Variants in CMPK1 observed in about 807,000 individuals in gnomAD.
CMPK1 encodes the protein cytidine/uridine monophosphate kinase 1.
In CMPK1, 10 loss-of-function variants were observed where a neutral mutation model predicts 25.7. The observed-to-expected ratio is 0.39, with a 90% CI of 0.24 to 0.66. The LOEUF is 0.66. Ranked by LOEUF, CMPK1 falls within the 30% of genes least tolerant of loss-of-function variation. CMPK1 has a pLI of 0.48. For synonymous variants in CMPK1, 106 were observed against 101.5 expected, an observed-to-expected ratio of 1.04 and a Z score of -0.27; for missense variants, 199 against 280.5, an observed-to-expected ratio of 0.71 and a Z score of 2.08.
chr1:47,358,355 C>T (rs1316926005), intron 1 of CMPK1: 4 of 1,101,080 alleles, frequency 3.6e-6, no homozygotes, highest in African/African-American at 1.6e-5. Context: ...TCGAGCAACC[C>T]TCTCGTCTTG....
At chr1:47,357,691 G>A (rs560899411) in intron 1 of CMPK1, among the ~76,000 whole-genome samples, 1 of 151,988 alleles carries the variant, frequency 6.6e-6, no homozygotes, top group Admixed American at 6.6e-5. Context: ...CGCCATGTTG[G>A]TCAGGCTGAT....
At chr1:47,346,716 C>G (rs1029319997) in intron 1 of CMPK1, among the ~76,000 whole-genome samples, 2 of 152,106 alleles carry the variant, frequency 1.3e-5, no homozygotes, top group Admixed American at 6.6e-5. Context: ...GTTGGCCAGG[C>G]TGGTCTCGAA....
At chr1:47,376,488 G>A (rs529499795) in intron 5 of CMPK1, among the ~76,000 whole-genome samples, 1 of 151,982 alleles carries the variant, frequency 6.6e-6, no homozygotes, top group Non-Finnish European at 1.5e-5. Context: ...GCTGATTTTT[G>A]TATTTTTAGT....
intron 1 of CMPK1, among the ~76,000 whole-genome samples, chr1:47,338,923 C>T (rs1293404502): frequency 6.6e-6 from 1 of 152,062 alleles, no homozygotes; most frequent in East Asian, 1.9e-4. Context: ...CACCATTTTA[C>T]ATGCATTAGT....
chr1:47,343,779 C>T (rs530544550), intron 1 of CMPK1, among the ~76,000 whole-genome samples: 1 of 151,760 alleles, frequency 6.6e-6, no homozygotes, highest in Non-Finnish European at 1.5e-5. Context: ...TCCAGCTACT[C>T]AGGAGGCTGA....
chr1:47,345,496 C>CT (rs758503471), intron 1 of CMPK1, among the ~76,000 whole-genome samples: 2,074 of 142,716 alleles, frequency 0.015, 47 homozygotes, highest in African/African-American at 0.045. Flanking sequence ...AATTTAATTT[C>CT]TTTTTTTTTT....
At chr1:47,341,603 A>G (rs1265727047) in intron 1 of CMPK1, among the ~76,000 whole-genome samples, 3 of 152,018 alleles carry the variant, frequency 2.0e-5, no homozygotes, top group Non-Finnish European at 4.4e-5. Context: ...GAATGGACTA[A>G]TAGAGTCTAC....
chr1:47,362,943 A>G (rs886668090), intron 1 of CMPK1, among the ~76,000 whole-genome samples: 3 of 152,106 alleles, frequency 2.0e-5, no homozygotes, highest in Admixed American at 1.3e-4. Context: ...TCCAACCTCT[A>G]TGGGTGGGAC....
intron 1 of CMPK1, among the ~76,000 whole-genome samples, chr1:47,350,122 A>G (rs918040638): frequency 1.2e-4 from 19 of 152,066 alleles, no homozygotes; most frequent in African/African-American, 4.6e-4. Flanking sequence ...TTATTTATAT[A>G]GAAACAGGGT....
intron 1 of CMPK1, chr1:47,358,211 C>G: frequency 4.6e-6 from 2 of 437,112 alleles, no homozygotes; most frequent in East Asian, 1.5e-4. Context: ...TCCTGGGGCT[C>G]AAGCTACCCA....
chr1:47,334,651 A>C (rs1646383104), intron 1 of CMPK1, among the ~76,000 whole-genome samples: 1 of 152,124 alleles, frequency 6.6e-6, no homozygotes, highest in Non-Finnish European at 1.5e-5. Flanking sequence ...GTGTTATTTT[A>C]GGCGTGCTGT....
At chr1:47,364,478 G>A (rs1264410580) in intron 1 of CMPK1, among the ~76,000 whole-genome samples, 2 of 151,622 alleles carry the variant, frequency 1.3e-5, no homozygotes, top group Non-Finnish European at 2.9e-5. Context: ...CACCACGCCT[G>A]GCTAATTTTT....
rs201797729 is a variant in CMPK1, at chr1:47,339,709, T to TC, written c.171+5593_171+5594insC. On this transcript the variant is annotated intron_variant, in intron 1 of 5. Coordinates refer to ENST00000371873, the MANE Select transcript of CMPK1 (RefSeq NM_016308.3). ...TTTTCTTTCTTCCTTTCCTTTTTTTTTTTTTTTTTTTTTTTTAAGACAGAG... is the reference window on the plus strand; with the variant it reads ...TTTTCTTTCTTCCTTTCCTTTTTTTTCTTTTTTTTTTTTTTTTAAGACAGAG... Among the ~76,000 whole-genome samples the TC allele has an allele frequency of 6.4e-3, 498 of 77,360 alleles. 15 individuals are homozygous for TC. In the East Asian group the frequency reaches 0.076, roughly 12 times the overall value. The allele number at this position is 77,360 out of a possible 152,430, so 50.8% of individuals were successfully genotyped here.
intron 1 of CMPK1, among the ~76,000 whole-genome samples, chr1:47,337,062 A>G (rs1646404235): frequency 1.3e-5 from 2 of 152,172 alleles, no homozygotes; most frequent in South Asian, 4.1e-4. Context: ...AGGCGGGTGG[A>G]TCACGAGGTC....
At chr1:47,376,634 T>G (rs1646710366) in intron 5 of CMPK1, 70 bp from the exon 6 acceptor site, 4 of 983,300 alleles carry the variant, frequency 4.1e-6, no homozygotes, top group African/African-American at 1.6e-5. Context: ...TTATTTTTAA[T>G]AAGAACTTAG....
intron 2 of CMPK1, among the ~76,000 whole-genome samples, chr1:47,370,396 T>A (rs1570380225): frequency 6.6e-6 from 1 of 150,592 alleles, no homozygotes; most frequent in African/African-American, 2.4e-5. Context: ...CCCAGCACTT[T>A]GGGAGGCCGA....
chr1:47,358,409 A>G (rs1034235611), intron 1 of CMPK1: 13 of 1,230,006 alleles, frequency 1.1e-5, no homozygotes, highest in Admixed American at 3.2e-5. Context: ...CACAGTGCGT[A>G]GTCCCTGTTT....
chr1:47,373,051 A>G lies in CMPK1; in HGVS notation c.415A>G (p.Thr139Ala), dbSNP rs1402090982. ...NQDNLQGWNKTMDGKADVSFV... is the reference protein window; with the variant it reads ...NQDNLQGWNKAMDGKADVSFV... ...AGACAACCTTCAAGGATGGAACAAG[A>G]CCATGGATGGGAAGGCAGATGTATC... Residue 139 changes from threonine (T) to alanine (A), a missense_variant, in exon 3 of 6, where the codon ACC becomes GCC. Thr to Ala is a moderately conservative substitution (Grantham distance 58). Coordinates refer to ENST00000371873, the MANE Select transcript of CMPK1 (RefSeq NM_016308.3). The G allele has an allele frequency of 6.2e-7, 1 of 1,612,264 alleles. No individual in the cohort carries two copies. The highest frequency in any genetic ancestry group is 1.1e-5 in the South Asian group (1 of 90,856).
In CMPK1 at chr1:47,377,568, C is replaced by T. The variant is rs1157201071; in HGVS notation, c.*823C>T. ...TGGCTAGATTTATGCTAAAATGATT[C>T]TCAGTTAGCATTTTAGTAACACTTC... On this transcript the variant is annotated 3_prime_UTR_variant, in exon 6 of 6. Coordinates refer to ENST00000371873, the MANE Select transcript of CMPK1 (RefSeq NM_016308.3). 1 of 152,340 alleles carries T rather than the reference C, an allele frequency of 6.6e-6. No individual in the cohort carries two copies. Among genetic ancestry groups the T allele is most frequent in the Non-Finnish European group, 1.5e-5 (1 of 68,006 alleles). 9.4% of individuals were successfully genotyped at this position (152,340 alleles called of 1,614,324 possible).
Sources: allele counts gnomAD v4.1 joint callset (sites outside exome capture counted in the v4.1 genomes callset), GRCh38; gene constraint gnomAD v4.1.1; transcripts MANE v1.5; gene names NCBI Gene and HGNC (gene_info 2026-07-23, HGNC 2026-07-21).